PRKDC: variants seen among roughly 807,000 people sequenced by gnomAD.
PRKDC encodes protein kinase, DNA-activated, catalytic subunit.
In PRKDC, 82 loss-of-function variants were observed where a neutral mutation model predicts 486.9. The ratio of observed to expected loss-of-function variants is 0.17; its 90% CI spans 0.14 to 0.20. PRKDC has a LOEUF of 0.20. PRKDC is among the 10% of genes least tolerant of loss of function. The pLI is 1.00. For missense variants in PRKDC, 4,504 were observed against 5,038.2 expected (o/e 0.89, Z 3.21); for synonymous variants, 1,895 against 1,837.0 (o/e 1.03, Z -0.81).
At chr8:47,897,430 T>C (rs1157259456) in intron 29 of PRKDC, 136 bp from the exon 30 acceptor site, 1 of 849,658 alleles carries the variant, frequency 1.2e-6, no homozygotes, top group African/African-American at 1.7e-5. Flanking sequence ...TCGACTTATT[T>C]TTAATGTATT....
At chr8:47,788,856 A>T in intron 76 of PRKDC, 50 bp downstream of exon 76, 1 of 1,462,564 alleles carries the variant, frequency 6.8e-7, no homozygotes, top group Non-Finnish European at 9.1e-7. Flanking sequence ...GTAACTATTG[A>T]CTGTCACAAC....
At chr8:47,879,851 T>C (rs1473826865) in intron 38 of PRKDC, among the ~76,000 whole-genome samples, 193 bp from the exon 39 acceptor site, 10 of 144,792 alleles carry the variant, frequency 6.9e-5, no homozygotes, top group Non-Finnish European at 1.4e-4. Flanking sequence ...TTTTTTTTTT[T>C]TTTTTTTGAG....
At chr8:47,777,038 G>T in intron 84 of PRKDC, 55 bp from the exon 85 acceptor site, 1 of 1,546,450 alleles carries the variant, frequency 6.5e-7, no homozygotes, top group South Asian at 1.2e-5. Context: ...ATACAATCAT[G>T]CCCAAACAGA....
intron 54 of PRKDC, 130 bp from the exon 55 acceptor site, chr8:47,840,319 CTT>C (rs1225699865): frequency 3.1e-6 from 2 of 654,014 alleles, no homozygotes; most frequent in South Asian, 2.4e-5. Context: ...TTATATAAAA[CTT>C]ATATTCTTAA....
intron 7 of PRKDC, among the ~76,000 whole-genome samples, chr8:47,944,377 G>C (rs533948585): frequency 1.3e-5 from 2 of 151,190 alleles, no homozygotes; most frequent in South Asian, 4.2e-4. Flanking sequence ...ATACCTTTTA[G>C]GATAGTCTGG....
chr8:47,925,053 C>G (rs1462307090), intron 21 of PRKDC, among the ~76,000 whole-genome samples: 2 of 152,198 alleles, frequency 1.3e-5, no homozygotes, highest in African/African-American at 4.8e-5. Flanking sequence ...TTGGGTAAAC[C>G]CCATGCCAGG....
chr8:47,802,938 C>T (rs1433284197), intron 70 of PRKDC, among the ~76,000 whole-genome samples: 1 of 152,172 alleles, frequency 6.6e-6, no homozygotes, highest in Non-Finnish European at 1.5e-5. Flanking sequence ...CAGGCGTGAG[C>T]CACCATGCCC....
chr8:47,808,174 C>T (rs1435643528), intron 68 of PRKDC, among the ~76,000 whole-genome samples: 1 of 152,110 alleles, frequency 6.6e-6, no homozygotes, highest in East Asian at 1.9e-4. Context: ...CAGGGTCTTG[C>T]TCTGTTGCCC....
At chr8:47,852,165 T>C (rs555043627) in intron 52 of PRKDC, among the ~76,000 whole-genome samples, 2 of 152,164 alleles carry the variant, frequency 1.3e-5, no homozygotes, top group Non-Finnish European at 2.9e-5. Context: ...CATTCAGTCC[T>C]CTTATCTGAA....
Position 47,889,210 on chromosome 8 carries a change from CCTT to C in PRKDC, c.4081_4083del (p.Lys1361del), listed in dbSNP as rs760158156. On this transcript the variant is annotated inframe_deletion, in exon 33 of 86. Coordinates refer to ENST00000314191, the MANE Select transcript of PRKDC (RefSeq NM_006904.7). ...CTCATCAGGTGTGTATTACACAAGT[CCTT>C]CTTCAGGAGCTGTAACAGATTGTTT... 58 of 1,605,834 alleles carry C rather than the reference CCTT, an allele frequency of 3.6e-5. No homozygotes were observed. Among genetic ancestry groups the C allele is most frequent in the South Asian group, 4.4e-5 (4 of 89,982 alleles).
intron 30 of PRKDC, among the ~76,000 whole-genome samples, chr8:47,896,105 T>C (rs576913108): frequency 6.6e-6 from 1 of 152,244 alleles, no homozygotes; most frequent in African/African-American, 2.4e-5. Flanking sequence ...AACACAGATA[T>C]ACATTTCTAT....
rs759518580 is a variant in PRKDC, at chr8:47,782,552, C to A, written c.11222G>T (p.Arg3741Leu). The A allele has an allele frequency of 1.9e-6, 3 of 1,573,026 alleles. No homozygotes were observed. Among genetic ancestry groups the A allele is most frequent in the Admixed American group, 3.7e-5 (2 of 53,760 alleles). ...SLRRPKRIII[R>L]GHDEREHPFL... ...AGGGTGTTCCCTCTCGTCATGGCCA[C>A]GGATGATGATGCGCTTGGGCCTTCG... is the stretch of plus-strand genomic sequence containing the variant. Residue 3741 changes from arginine to leucine, a missense_variant, in exon 79 of 86, where the codon CGT becomes CTT. Physicochemically the swap from Arg to Leu is moderately radical, Grantham distance 102 (BLOSUM62 -2). Coordinates refer to ENST00000314191, the MANE Select transcript of PRKDC (RefSeq NM_006904.7). The surrounding 1 kb of genome is among the most constrained non-coding windows in gnomAD (Gnocchi z 4.9).
chr8:47,819,271 T>C lies in PRKDC; in HGVS notation c.9445+131A>G, dbSNP rs149996321. ...TCAATGATCTGAAAATAGGTATTTG[T>C]AGAGGAAATTCGATGGAGTTTCCAA... On this transcript the variant is annotated intron_variant, in intron 67 of 85. Coordinates refer to ENST00000314191, the MANE Select transcript of PRKDC (RefSeq NM_006904.7). The C allele has an allele frequency of 6.1e-5, 35 of 577,770 alleles. No homozygotes were observed. The East Asian group carries it at 9.1e-4, about 15-fold the overall frequency. The allele number at this position is 577,770 out of a possible 1,614,324, so 35.8% of individuals were successfully genotyped here.
chr8:47,929,279 C>T lies in PRKDC; in HGVS notation c.2053-101G>A. Reference sequence around the variant, plus strand: ...TGTCTTCAGAGGGGTGAATCCATTTCAAGTTACCAACATCTAATGAAGACA... The same window carrying T: ...TGTCTTCAGAGGGGTGAATCCATTTTAAGTTACCAACATCTAATGAAGACA... On this transcript the variant is annotated intron_variant, in intron 18 of 85. Transcript: ENST00000314191. 4 of 791,098 alleles carry T rather than the reference C, an allele frequency of 5.1e-6. No individual in the cohort carries two copies. The South Asian group carries it at 6.3e-5, about 12-fold the overall frequency. The allele number at this position is 791,098 out of a possible 1,614,324, so 49.0% of individuals were successfully genotyped here.
At chr8:47,806,501 GA>G (rs1455685315) in intron 69 of PRKDC, among the ~76,000 whole-genome samples, 2 of 152,186 alleles carry the variant, frequency 1.3e-5, no homozygotes, top group Non-Finnish European at 2.9e-5. Flanking sequence ...CTACAAAAAA[GA>G]AGTATTATTT....
At position 47,890,403 on chromosome 8, in the gene PRKDC, C is replaced by T; in HGVS notation, c.3925G>A (p.Ala1309Thr). The change falls in exon 32 of 86, where the codon GCA becomes ACA. Residue 1309 changes from alanine (A) to threonine (T), a missense_variant. Physicochemically the swap from Ala to Thr is moderately conservative, Grantham distance 58 (BLOSUM62 0). Around this residue, in one of 6 missense-constraint regions of PRKDC, gnomAD observed 1,969 missense variants for 2,068.9 expected, o/e 0.95. Transcript: ENST00000314191. ...ESIAMHDIIA[A>T]EKCFGTGAAG... The stretch of plus-strand genomic sequence containing the variant: ...GCCCCAGTGCCAAAGCACTTTTCTG[C>T]TGCTATAATGTCATGCATGGCAATG... 1 of 1,606,076 alleles carries T rather than the reference C, an allele frequency of 6.2e-7. No individual in the cohort carries two copies. Among genetic ancestry groups the T allele is most frequent in the Non-Finnish European group, 8.5e-7 (1 of 1,175,912 alleles).
chr8:47,818,454 C>T (rs1286174726), intron 67 of PRKDC, among the ~76,000 whole-genome samples: 1 of 151,740 alleles, frequency 6.6e-6, no homozygotes, highest in Non-Finnish European at 1.5e-5. Context: ...TGGCGGGAGC[C>T]TATAGTCCCA....
In PRKDC at chr8:47,904,966, T is replaced by A; in HGVS notation, c.2945A>T (p.Gln982Leu). The change falls in exon 26 of 86, where the codon CAA (glutamine) becomes CTA (leucine). Residue 982 changes from glutamine (Q) to leucine (L), a missense_variant. By Grantham distance (113) the Gln-to-Leu change is moderately radical (BLOSUM62 -2). Around this residue, in one of 6 missense-constraint regions of PRKDC, gnomAD observed 1,969 missense variants for 2,068.9 expected, o/e 0.95. Coordinates refer to ENST00000314191, the MANE Select transcript of PRKDC (RefSeq NM_006904.7). The part of the protein sequence containing the change: ...LACDVDQVTR[Q>L]LYEPLVMQLI... ...CTGCATAACTAGTGGCTCATACAGT[T>A]GCCTTGTCACCTGAAGAAACAATAC... The A allele has an allele frequency of 6.2e-7, 1 of 1,611,998 alleles. No individual in the cohort carries two copies. Among genetic ancestry groups the A allele is most frequent in the Non-Finnish European group, 8.5e-7 (1 of 1,178,410 alleles).
At chr8:47,835,173 C>A (rs999818923) in intron 58 of PRKDC, among the ~76,000 whole-genome samples, 7 of 152,154 alleles carry the variant, frequency 4.6e-5, no homozygotes, top group Non-Finnish European at 1.0e-4. Flanking sequence ...AGCAGTTAAA[C>A]CATCTGAGAA....
Sources: allele counts gnomAD v4.1 joint callset (sites outside exome capture counted in the v4.1 genomes callset), GRCh38; gene constraint gnomAD v4.1.1; regional missense constraint gnomAD v4.1.1; non-coding constraint Gnocchi (gnomAD v3.1); transcripts MANE v1.5; gene names NCBI Gene and HGNC (gene_info 2026-07-23, HGNC 2026-07-21).